BICD1: variants seen among roughly 807,000 people sequenced by gnomAD.
The protein encoded by BICD1 is BICD cargo adaptor 1.
Under a neutral mutation model 92.5 loss-of-function variants are expected in BICD1, and 35 were observed. The ratio of observed to expected loss-of-function variants is 0.38; its 90% confidence interval spans 0.29 to 0.50. The LOEUF (loss-of-function observed/expected upper bound fraction) is 0.50, where lower values mean the gene tolerates loss of function less well. BICD1 is among the 20% of genes least tolerant of loss of function. The pLI, the probability that BICD1 is intolerant of heterozygous loss-of-function variation, is 0.93. For synonymous variants in BICD1, 429 were observed against 465.1 expected (o/e 0.92, Z 1.00); for missense variants, 950 against 1,189.8 (o/e 0.80, Z 2.97).
In BICD1 at chr12:32,327,805, T is replaced by C; in HGVS notation, c.1350T>C (p.Asp450=). ...KYNKSVENYT[D]EKAKYESKIQ... ...ATAAATCTGTAGAAAACTACACTGA[T>C]GAGAAGGCCAAGTATGAGAGTAAAA... Residue 450 remains aspartate (D), a synonymous_variant, in exon 5 of 10, where the codon GAT becomes GAC. Coordinates refer to ENST00000652176, the MANE Select transcript of BICD1 (RefSeq NM_001714.4). 6.2e-7 allele frequency: 1 copy of C among 1,614,074 alleles called. No homozygotes were observed. The highest frequency in any genetic ancestry group is 8.5e-7 in the Non-Finnish European group (1 of 1,180,022).
intron 2 of BICD1, among the ~76,000 whole-genome samples, chr12:32,290,967 C>T (rs529708614): frequency 6.7e-4 from 102 of 152,282 alleles, no homozygotes; most frequent in Admixed American, 1.4e-3. Flanking sequence ...ACCCCTTATC[C>T]TCCCCAAAAC....
intron 2 of BICD1, among the ~76,000 whole-genome samples, chr12:32,253,933 CCCACCTGTCATATTTACTGCT>C (rs1946641088): frequency 6.7e-6 from 1 of 149,998 alleles, no homozygotes; most frequent in Non-Finnish European, 1.5e-5. Context: ...ACTGCTGTAT[CCCACCTGTCATATTTACTGCT>C]GTATCCCACC....
chr12:32,315,292 T>A (rs1445506117), intron 4 of BICD1, among the ~76,000 whole-genome samples: 2 of 152,242 alleles, frequency 1.3e-5, no homozygotes, highest in Non-Finnish European at 2.9e-5. Context: ...TATGGGCTTA[T>A]TTCTAGACTT....
intron 2 of BICD1, among the ~76,000 whole-genome samples, chr12:32,245,523 C>T (rs1946357163): frequency 6.6e-6 from 1 of 152,100 alleles, no homozygotes. Flanking sequence ...CAAAGGAGGC[C>T]ATATAGCTTA....
At chr12:32,259,139 C>G (rs1317455781) in intron 2 of BICD1, among the ~76,000 whole-genome samples, 1 of 152,148 alleles carries the variant, frequency 6.6e-6, no homozygotes. Flanking sequence ...CTCACAATGT[C>G]CCTTCAGCAC....
chr12:32,316,321 C>T (rs545972497), intron 4 of BICD1, among the ~76,000 whole-genome samples: 3 of 150,860 alleles, frequency 2.0e-5, no homozygotes, highest in Non-Finnish European at 4.4e-5. Flanking sequence ...GATGGAGTCT[C>T]ACTCTGTTGC....
At chr12:32,296,172 A>C (rs1408755973) in intron 3 of BICD1, among the ~76,000 whole-genome samples, 1 of 151,906 alleles carries the variant, frequency 6.6e-6, no homozygotes, top group African/African-American at 2.4e-5. Context: ...AAGTGAGCTC[A>C]CAGTGGAGAA....
intron 1 of BICD1, among the ~76,000 whole-genome samples, chr12:32,126,943 A>G (rs1216714217): frequency 6.6e-6 from 1 of 152,140 alleles, no homozygotes; most frequent in Non-Finnish European, 1.5e-5. Flanking sequence ...ATTTATGACT[A>G]TCCTGCACTG....
At chr12:32,138,823 TGAG>T (rs1181519113) in intron 1 of BICD1, among the ~76,000 whole-genome samples, 4 of 152,180 alleles carry the variant, frequency 2.6e-5, no homozygotes, top group African/African-American at 7.2e-5. Context: ...CATCATCAGT[TGAG>T]GAGCATCTGT....
chr12:32,315,119 T>C (rs1358663575), intron 4 of BICD1, among the ~76,000 whole-genome samples: 1 of 152,202 alleles, frequency 6.6e-6, no homozygotes, highest in African/African-American at 2.4e-5. Flanking sequence ...CCATTTTGAC[T>C]TAATTTTTGA....
intron 8 of BICD1, among the ~76,000 whole-genome samples, chr12:32,356,169 T>C (rs956386586): frequency 6.6e-6 from 1 of 152,154 alleles, no homozygotes; most frequent in Non-Finnish European, 1.5e-5. Flanking sequence ...CCCTGCAAGA[T>C]TGGTATTTAA....
rs200313166 is a variant in BICD1, at chr12:32,265,718, T to A, written c.427-28276T>A. ...CTAGGTGACACAGCGAGATCCTATT[T>A]AAAAAAAAAAAAAAAGACAAAAAGA... On this transcript the variant is annotated intron_variant, in intron 2 of 9. Transcript: ENST00000652176. 3.5e-5 allele frequency among the ~76,000 whole-genome samples: 5 copies of A among 140,848 alleles called. No homozygotes were observed. In the East Asian group the frequency reaches 6.2e-4, roughly 17 times the overall value. 92.4% of individuals were successfully genotyped at this position (140,848 alleles called of 152,430 possible).
At chr12:32,331,163 T>C (rs1235147452) in intron 5 of BICD1, among the ~76,000 whole-genome samples, 2 of 151,866 alleles carry the variant, frequency 1.3e-5, no homozygotes, top group Non-Finnish European at 2.9e-5. Flanking sequence ...GATGCTTAAC[T>C]GAAACAGAGG....
At position 32,324,353 on chromosome 12, in the gene BICD1, C is replaced by CAAA. The variant is rs149196321; in HGVS notation, c.1006-3100_1006-3098dup. Among the ~76,000 whole-genome samples, 9 of 49,156 alleles carry CAAA rather than the reference C, an allele frequency of 1.8e-4. 3 individuals carry two copies. The highest frequency in any genetic ancestry group is 1.1e-3 in the South Asian group (2 of 1,778). The allele number at this position is 49,156 out of a possible 152,430, so 32.2% of individuals were successfully genotyped here. On this transcript the variant is annotated intron_variant, in intron 4 of 9. Coordinates refer to ENST00000652176, the MANE Select transcript of BICD1 (RefSeq NM_001714.4). ...CTGGTGACAGAGCTAGACTCCATCT[C>CAAA]AAAAAAAAAACAAAAAAAAAAACTT...
intron 2 of BICD1, among the ~76,000 whole-genome samples, chr12:32,240,984 C>G (rs186135588): frequency 2.0e-5 from 3 of 152,264 alleles, no homozygotes; most frequent in Admixed American, 2.0e-4. Flanking sequence ...CATTACCCTT[C>G]CTGCCTGGGG....
At chr12:32,137,768 A>T (rs553878796) in intron 1 of BICD1, among the ~76,000 whole-genome samples, 68 of 152,252 alleles carry the variant, frequency 4.5e-4, no homozygotes, top group African/African-American at 1.5e-3. Flanking sequence ...TCCCTTTGTA[A>T]AAAGGCCTCC....
chr12:32,261,581 G>A (rs1029131265), intron 2 of BICD1, among the ~76,000 whole-genome samples: 2 of 152,226 alleles, frequency 1.3e-5, no homozygotes, highest in South Asian at 4.1e-4. Context: ...AAGGAAAACC[G>A]TATTGTCATA....
chr12:32,282,282 A>G (rs1947438331), intron 2 of BICD1, among the ~76,000 whole-genome samples: 1 of 136,902 alleles, frequency 7.3e-6, no homozygotes, highest in Non-Finnish European at 1.5e-5. Flanking sequence ...GTGCAGTGAC[A>G]TGGTCTCGGC....
intron 8 of BICD1, among the ~76,000 whole-genome samples, chr12:32,366,662 C>A (rs1171564182): frequency 6.6e-6 from 1 of 152,144 alleles, no homozygotes; most frequent in Non-Finnish European, 1.5e-5. Context: ...AACAAACAAA[C>A]AAACACATAT....
Sources: gnomAD v4.1 joint callset for allele counts (sites outside exome capture counted in the v4.1 genomes callset) on GRCh38, gnomAD v4.1.1 for gene constraint, MANE v1.5 for transcripts, NCBI Gene and HGNC (gene_info 2026-07-23, HGNC 2026-07-21) for gene names.